Variants in STPG2 observed in about 807,000 individuals in gnomAD.
STPG2 encodes the protein sperm tail PG-rich repeat containing 2, also known as sperm-tail PG-rich repeat-containing protein 2.
A neutral mutation model predicts 54.2 loss-of-function variants in STPG2; 56 were observed. The observed-to-expected ratio is 1.03, with a 90% CI of 0.83 to 1.29. The LOEUF (loss-of-function observed/expected upper bound fraction) is 1.29, where lower values mean the gene tolerates loss of function less well. Among genes scored for constraint, STPG2 ranks in the 50% most tolerant of loss-of-function variants. The probability of loss-of-function intolerance (pLI) is 0.00; values close to 1 mark genes in which losing one functional copy is unlikely to be tolerated. For missense variants in STPG2, 596 were observed against 544.9 expected (o/e 1.09, Z -0.93); for synonymous variants, 200 against 181.8 (o/e 1.10, Z -0.81).
chr4:97,972,754 C>A (rs1296349787), intron 6 of STPG2, among the ~76,000 whole-genome samples: 2 of 151,958 alleles, frequency 1.3e-5, no homozygotes, highest in Non-Finnish European at 2.9e-5. Context: ...TGGATCTTTC[C>A]CATGCTGTTC....
chr4:97,578,139 C>T (rs1732770656), intron 10 of STPG2, among the ~76,000 whole-genome samples: 1 of 135,696 alleles, frequency 7.4e-6, no homozygotes, highest in East Asian at 2.1e-4. Flanking sequence ...GTCTCTTATG[C>T]TGTCACCCAG....
intron 3 of STPG2, among the ~76,000 whole-genome samples, chr4:98,123,568 T>G (rs1739745376): frequency 6.6e-6 from 1 of 152,212 alleles, no homozygotes; most frequent in Non-Finnish European, 1.5e-5. Flanking sequence ...CATTATGATT[T>G]CAGTTCTTTT....
At chr4:97,574,420 ATTTATC>A (rs1390257891) in intron 10 of STPG2, among the ~76,000 whole-genome samples, 3 of 149,276 alleles carry the variant, frequency 2.0e-5, no homozygotes, top group Admixed American at 6.6e-5. Context: ...AGAGAAAACA[ATTTATC>A]TTTATAGACA....
chr4:97,849,575 A>G (rs2149129275), intron 8 of STPG2, among the ~76,000 whole-genome samples: 1 of 152,258 alleles, frequency 6.6e-6, no homozygotes, highest in African/African-American at 2.4e-5. Flanking sequence ...AATTCACAAG[A>G]AAAAAACAAA....
chr4:97,609,843 A>C (rs149812710), intron 10 of STPG2, among the ~76,000 whole-genome samples: 2,345 of 152,018 alleles, frequency 0.015, 47 homozygotes, highest in African/African-American at 0.054. Context: ...TCAAATTCAA[A>C]CGTCTGTCCC....
intron 5 of STPG2, among the ~76,000 whole-genome samples, chr4:98,039,570 T>C (rs969514258): frequency 3.2e-4 from 48 of 150,698 alleles, no homozygotes; most frequent in African/African-American, 1.2e-3. Flanking sequence ...GAGGGATGGG[T>C]GCAATGCACA....
intron 8 of STPG2, among the ~76,000 whole-genome samples, chr4:97,855,799 G>A (rs1729317305): frequency 6.6e-6 from 1 of 152,018 alleles, no homozygotes; most frequent in Non-Finnish European, 1.5e-5. Context: ...ATAGTTTTGG[G>A]TTTTACATTT....
chr4:97,972,890 G>A (rs1734381961), intron 6 of STPG2, among the ~76,000 whole-genome samples: 1 of 152,178 alleles, frequency 6.6e-6, no homozygotes. Flanking sequence ...TGATTGTGAG[G>A]CCTTCCCAAC....
At chr4:97,468,439 C>A (rs372556068) in intron 4 of STPG2, among the ~76,000 whole-genome samples, 1 of 151,974 alleles carries the variant, frequency 6.6e-6, no homozygotes, top group East Asian at 1.9e-4. Flanking sequence ...CTTAATTGCA[C>A]AGGTTGCTAT....
chr4:97,802,366 C>G (rs1727427823), intron 9 of STPG2, among the ~76,000 whole-genome samples: 2 of 152,134 alleles, frequency 1.3e-5, no homozygotes, highest in South Asian at 4.1e-4. Flanking sequence ...CAGAAGTACT[C>G]CATTCTGGTC....
intron 9 of STPG2, among the ~76,000 whole-genome samples, chr4:97,752,430 T>G (rs1250322882): frequency 6.6e-6 from 1 of 151,746 alleles, no homozygotes; most frequent in Non-Finnish European, 1.5e-5. Flanking sequence ...AGAAACAATT[T>G]CTCTAAAGTT....
chr4:97,981,030 A>C (rs1355574585), intron 6 of STPG2, 129 bp downstream of exon 6: 1 of 910,974 alleles, frequency 1.1e-6, no homozygotes, highest in African/African-American at 1.7e-5. Context: ...GCTTTAAAAA[A>C]TGTTGACTTA....
intron 9 of STPG2, among the ~76,000 whole-genome samples, chr4:97,723,723 G>A (rs1220753287): frequency 6.6e-6 from 1 of 152,148 alleles, no homozygotes; most frequent in Non-Finnish European, 1.5e-5. Flanking sequence ...GGCTAGGGAG[G>A]CCTCAGGAAA....
chr4:97,537,075 T>C (rs868799794), intron 4 of STPG2, among the ~76,000 whole-genome samples: 4 of 152,312 alleles, frequency 2.6e-5, no homozygotes, highest in Middle Eastern at 3.4e-3. Flanking sequence ...AGTTCCAAGA[T>C]GGCCAAATAG....
At chr4:98,014,849 T>A (rs1244410451) in intron 5 of STPG2, among the ~76,000 whole-genome samples, 1 of 152,178 alleles carries the variant, frequency 6.6e-6, no homozygotes, top group African/African-American at 2.4e-5. Context: ...TACCTTTCCT[T>A]TATTTCTGAA....
chr4:97,984,737 G>A lies in STPG2; in HGVS notation c.613-3419C>T, dbSNP rs566226527. 2.6e-4 allele frequency among the ~76,000 whole-genome samples: 39 copies of A among 152,094 alleles called. 1 individual carries two copies. Among genetic ancestry groups the A allele is most frequent in the African/African-American group, 7.7e-4 (32 of 41,486 alleles). On this transcript the variant is annotated intron_variant, in intron 5 of 10. Transcript: ENST00000295268. ...TGAAGTGTAGTCAAAGAAGTGTTAC[G>A]CCCCCTGTTGGGGATGCTGCGCTAC...
At chr4:97,542,518 G>A (rs988815514) in intron 4 of STPG2, among the ~76,000 whole-genome samples, 4 of 152,174 alleles carry the variant, frequency 2.6e-5, no homozygotes, top group African/African-American at 9.7e-5. Context: ...TTACACTGTT[G>A]GTGGGACTGT....
intron 9 of STPG2, among the ~76,000 whole-genome samples, chr4:97,716,196 C>T (rs1464534856): frequency 5.3e-5 from 8 of 151,968 alleles, no homozygotes; most frequent in Non-Finnish European, 1.2e-4. Flanking sequence ...AATCAGGAAA[C>T]AACAGATGCT....
At chr4:98,008,544 C>T (rs562883210) in intron 5 of STPG2, among the ~76,000 whole-genome samples, 12 of 149,140 alleles carry the variant, frequency 8.0e-5, no homozygotes, top group Admixed American at 2.7e-4. Flanking sequence ...TATAAAAACT[C>T]ACAGGTTTTA....
Sources: gnomAD v4.1 joint callset for allele counts (sites outside exome capture counted in the v4.1 genomes callset) on GRCh38, gnomAD v4.1.1 for gene constraint, MANE v1.5 for transcripts, NCBI Gene and HGNC (gene_info 2026-07-23, HGNC 2026-07-21) for gene names.